Variants in LMLN observed in about 807,000 individuals in gnomAD.
LMLN encodes the protein leishmanolysin-like peptidase.
LMLN carries 70 observed loss-of-function variants against 92.3 expected under a neutral mutation model. The ratio of observed to expected loss-of-function variants is 0.76; its 90% confidence interval spans 0.63 to 0.92. LMLN has a LOEUF of 0.92. Among genes scored for constraint, LMLN ranks in the 40% least tolerant of loss-of-function variants. The pLI, the probability that LMLN is intolerant of heterozygous loss-of-function variation, is 0.00. For synonymous variants in LMLN, 308 were observed against 296.2 expected (o/e 1.04, Z -0.41); for missense variants, 691 against 814.6 (o/e 0.85, Z 1.85).
chr3:197,985,847 C>A, exon 8 of LMLN: 1 of 1,613,808 alleles, frequency 6.2e-7, no homozygotes, highest in Non-Finnish European at 8.5e-7. Context: ...TGGAAATCCT[C>A]TCACTTCAAG....
chr3:197,999,029 G>C (rs1020909410), intron 10 of LMLN, among the ~76,000 whole-genome samples: 2 of 152,180 alleles, frequency 1.3e-5, no homozygotes, highest in African/African-American at 4.8e-5. Flanking sequence ...CTAAATGCCA[G>C]CTGCCTGCCA....
At chr3:197,971,944 C>CTTTTTTTTTTTTTTT (rs756710031) in intron 1 of LMLN, among the ~76,000 whole-genome samples, 6 of 81,220 alleles carry the variant, frequency 7.4e-5, no homozygotes, top group South Asian at 4.5e-4. Flanking sequence ...AGTCTCTGTT[C>CTTTTTTTTTTTTTTT]TTTTTTTTTT....
chr3:197,967,479 C>T (rs914139690), intron 1 of LMLN, among the ~76,000 whole-genome samples: 7 of 152,158 alleles, frequency 4.6e-5, no homozygotes, highest in Admixed American at 1.3e-4. Flanking sequence ...AGATCACATG[C>T]TTCAAACAGC....
At chr3:197,997,010 CTTTT>C (rs1183936210) in intron 10 of LMLN, among the ~76,000 whole-genome samples, 1 of 149,522 alleles carries the variant, frequency 6.7e-6, no homozygotes, top group African/African-American at 2.5e-5. Context: ...CTTTTCTTTT[CTTTT>C]CCTTTCTTTT....
At chr3:198,032,256 A>C (rs1342405117) in intron 14 of LMLN, among the ~76,000 whole-genome samples, 1 of 152,142 alleles carries the variant, frequency 6.6e-6, no homozygotes, top group East Asian at 1.9e-4. Flanking sequence ...TGGTCAGAGA[A>C]ACTGCCAGTG....
At chr3:197,964,998 ACT>A (rs1721012052) in intron 1 of LMLN, among the ~76,000 whole-genome samples, 1 of 146,490 alleles carries the variant, frequency 6.8e-6, no homozygotes, top group Non-Finnish European at 1.5e-5. Context: ...CAAGAGCGAA[ACT>A]CTGTCTCAAA....
At chr3:198,038,875 AC>A (rs1723310616) in exon 16 of LMLN, 1 of 453,456 alleles carries the variant, frequency 2.2e-6, no homozygotes, top group African/African-American at 2.1e-5. Flanking sequence ...CAGCAACCCA[AC>A]CACCTTCATC....
In LMLN at chr3:198,042,224, T is replaced by G. The variant is rs547733154; in HGVS notation, c.*3557T>G. 1.3e-5 allele frequency: 2 copies of G among 152,198 alleles called. No individual in the cohort carries two copies. Among genetic ancestry groups the G allele is most frequent in the East Asian group, 3.9e-4 (2 of 5,176 alleles). The allele number at this position is 152,198 out of a possible 1,614,324, so 9.4% of individuals were successfully genotyped here. ...TGTCAGAGATTTTAAGAGGCACATT[T>G]TAGTCACTTTGAATATGGTAGTGGT... On this transcript the variant is annotated 3_prime_UTR_variant, in exon 16 of 16. Transcript: ENST00000330198. This position sits in a 1 kb window ranked among gnomAD's most constrained non-coding sequence, Gnocchi z 4.2.
chr3:197,986,690 T>G (rs2109875908), intron 8 of LMLN, among the ~76,000 whole-genome samples: 1 of 152,202 alleles, frequency 6.6e-6, no homozygotes, highest in South Asian at 2.1e-4. Context: ...AAACAGGAAT[T>G]AAAAACAACC....
At chr3:197,975,628 T>C (rs1008148635) in intron 3 of LMLN, among the ~76,000 whole-genome samples, 7 of 152,250 alleles carry the variant, frequency 4.6e-5, no homozygotes, top group African/African-American at 1.7e-4. Flanking sequence ...ACTATCTTAG[T>C]GTTGGAATCA....
At chr3:197,977,910 TA>T (rs1273262289) in intron 5 of LMLN, among the ~76,000 whole-genome samples, 3 of 151,284 alleles carry the variant, frequency 2.0e-5, no homozygotes, top group African/African-American at 7.3e-5. Flanking sequence ...TGGATACATA[TA>T]AAAATCATCA....
chr3:198,002,991 T>A, intron 11 of LMLN, 24 bp from the exon 12 acceptor site: 2 of 1,379,734 alleles, frequency 1.4e-6, no homozygotes, highest in Non-Finnish European at 2.0e-6. Flanking sequence ...CAGTAAAAAT[T>A]GCTTTGTTTG....
At chr3:198,029,221 T>C (rs1016565035) in intron 14 of LMLN, among the ~76,000 whole-genome samples, 12 of 152,212 alleles carry the variant, frequency 7.9e-5, no homozygotes, top group Admixed American at 5.2e-4. Flanking sequence ...TTATTTTAGG[T>C]TTACCTTCAT....
chr3:197,974,964 A>G, intron 2 of LMLN, 78 bp from the exon 3 acceptor site: 1 of 982,370 alleles, frequency 1.0e-6, no homozygotes, highest in South Asian at 1.4e-5. Flanking sequence ...CTGGTTGCCC[A>G]TTTTTATGGT....
At chr3:198,022,304 A>G (rs1487724359) in intron 13 of LMLN, among the ~76,000 whole-genome samples, 1 of 152,274 alleles carries the variant, frequency 6.6e-6, no homozygotes, top group Admixed American at 6.5e-5. Context: ...GTATTCTGCA[A>G]TAATAGTTAC....
chr3:197,993,675 G>A (rs1393178576), intron 9 of LMLN, among the ~76,000 whole-genome samples: 5 of 152,056 alleles, frequency 3.3e-5, no homozygotes, highest in Non-Finnish European at 7.4e-5. Flanking sequence ...ACAGTCTACA[G>A]ATTCAGTGCT....
Position 197,974,424 on chromosome 3 carries a change from T to C in LMLN, c.267T>C (p.Asp89=). ...AGGCAAATCATGTGGTCAAGAGAGATGTTGATGAGCATTTAAGAATCAAGA... is the reference window on the plus strand; with the variant it reads ...AGGCAAATCATGTGGTCAAGAGAGACGTTGATGAGCATTTAAGAATCAAGA... Residue 89 remains aspartate, a synonymous_variant, in exon 2 of 16, where the codon GAT becomes GAC. Transcript: ENST00000330198. 3 of 1,597,250 alleles carry C rather than the reference T, an allele frequency of 1.9e-6. 1 individual carries two copies. Among genetic ancestry groups the C allele is most frequent in the Middle Eastern group, 3.3e-4 (2 of 6,036 alleles).
intron 6 of LMLN, among the ~76,000 whole-genome samples, chr3:197,983,138 A>C (rs1321460373): frequency 6.6e-6 from 1 of 152,260 alleles, no homozygotes; most frequent in Non-Finnish European, 1.5e-5. Flanking sequence ...CCTATGAAGA[A>C]AATATAAAGT....
chr3:197,972,203 A>G (rs1341645040), intron 1 of LMLN, among the ~76,000 whole-genome samples: 1 of 151,662 alleles, frequency 6.6e-6, no homozygotes, highest in Non-Finnish European at 1.5e-5. Context: ...TGCTGGGATT[A>G]CAGGTGTGCA....
Sources: gnomAD v4.1 joint callset for allele counts (sites outside exome capture counted in the v4.1 genomes callset) on GRCh38, gnomAD v4.1.1 for gene constraint, Gnocchi (gnomAD v3.1) non-coding constraint, MANE v1.5 for transcripts, NCBI Gene and HGNC (gene_info 2026-07-23, HGNC 2026-07-21) for gene names.